Variants in UFL1 observed in about 807,000 individuals in gnomAD.
UFL1 encodes E3 UFM1-protein ligase 1.
A neutral mutation model predicts 99.3 loss-of-function variants in UFL1; 78 were observed. That is an observed-to-expected ratio of 0.79 (90% CI 0.65 to 0.95). The LOEUF is 0.95. UFL1 is among the 40% of genes least tolerant of loss of function. UFL1 has a pLI of 0.00. For missense variants in UFL1, 936 were observed against 937.0 expected, an observed-to-expected ratio of 1.00 and a Z score of 0.01; for synonymous variants, 335 against 322.2, an observed-to-expected ratio of 1.04 and a Z score of -0.42.
chr6:96,524,192 A>C (rs1291936052), intron 2 of UFL1, among the ~76,000 whole-genome samples, 190 bp from the exon 3 acceptor site: 1 of 152,104 alleles, frequency 6.6e-6, no homozygotes, highest in Non-Finnish European at 1.5e-5. Context: ...AATTGAAAGT[A>C]AGTTATTGCT....
At chr6:96,548,055 T>C (rs1770024438) in intron 12 of UFL1, 109 bp from the exon 13 acceptor site, 1 of 686,140 alleles carries the variant, frequency 1.5e-6, no homozygotes. Flanking sequence ...AACAATTGAG[T>C]AATGAATGAA....
At chr6:96,538,957 T>A in intron 10 of UFL1, 147 bp downstream of exon 10, 3 of 708,542 alleles carry the variant, frequency 4.2e-6, no homozygotes, top group Non-Finnish European at 6.2e-6. Flanking sequence ...TTTTATTTTG[T>A]CTCCCAGATT....
intron 2 of UFL1, 53 bp from the exon 3 acceptor site, chr6:96,524,329 G>T (rs1330411814): frequency 1.3e-6 from 2 of 1,502,570 alleles, no homozygotes; most frequent in East Asian, 2.4e-5. Flanking sequence ...ATAGCTTTGG[G>T]TTGGTATGTA....
chr6:96,538,738 TGTA>T lies in UFL1; in HGVS notation c.1089_1091del (p.Val364del). On this transcript the variant is annotated inframe_deletion, in exon 10 of 19. Transcript: ENST00000369278. ...CAACTGTAGTCTTTAGCGACACTGT[TGTA>T]GTCAGTGAAAAATTTATAAATGACT... 2 of 1,611,422 alleles carry T rather than the reference TGTA, an allele frequency of 1.2e-6. No homozygotes were observed. The highest frequency in any genetic ancestry group is 1.3e-5 in the African/African-American group (1 of 74,850).
intron 2 of UFL1, among the ~76,000 whole-genome samples, chr6:96,523,772 G>A (rs144133948): frequency 3.3e-5 from 5 of 152,086 alleles, no homozygotes; most frequent in African/African-American, 1.2e-4. Context: ...TTAAAAACAC[G>A]CACAAAGTTG....
Position 96,554,186 on chromosome 6 carries a change from A to C in UFL1, c.*683A>C, listed in dbSNP as rs1582448604. ...TCTCTTCTAAAACAAGCTACTAACA[A>C]GAGAGAGAACACATGCAATTTATTA... On this transcript the variant is annotated 3_prime_UTR_variant, in exon 19 of 19. Transcript: ENST00000369278. The C allele has an allele frequency of 6.6e-6, 1 of 152,132 alleles. No individual in the cohort carries two copies. Among genetic ancestry groups the C allele is most frequent in the African/African-American group, 2.4e-5 (1 of 41,404 alleles). The allele number at this position is 152,132 out of a possible 1,614,324, so 9.4% of individuals were successfully genotyped here.
chr6:96,542,318 T>G (rs9386610), intron 11 of UFL1, among the ~76,000 whole-genome samples: 19,574 of 151,310 alleles, frequency 0.13, 1,278 homozygotes, highest in East Asian at 0.25. Context: ...CGTGTTATGT[T>G]TCACGCATTT....
chr6:96,521,837 C>G lies in UFL1; in HGVS notation c.-37C>G, dbSNP rs537159862. 28 of 1,596,770 alleles carry G rather than the reference C, an allele frequency of 1.8e-5. No individual in the cohort carries two copies. The South Asian group carries it at 2.3e-4, about 13-fold the overall frequency. On this transcript the variant is annotated 5_prime_UTR_variant, in exon 1 of 19. Coordinates refer to ENST00000369278, the MANE Select transcript of UFL1 (RefSeq NM_015323.5). ...TCCCACCGCCTGTCGGCTGACGTGT[C>G]TGCAGTTCCTCCGCGTCTACTGCGA... is the stretch of plus-strand genomic sequence containing the variant.
rs370764146 is a variant in UFL1, at chr6:96,525,437, T to G, written c.350+43T>G. ...CAAATTTAAGAGCACTTTGTTTATT[T>G]TCTTTCTTTTTTTTATAGTGTTTAA... On this transcript the variant is annotated intron_variant, in intron 4 of 18. Transcript: ENST00000369278. The G allele has an allele frequency of 2.9e-5, 42 of 1,472,874 alleles. No individual in the cohort carries two copies. The African/African-American group carries it at 5.3e-4, about 18-fold the overall frequency. The allele number at this position is 1,472,874 out of a possible 1,614,324, so 91.2% of individuals were successfully genotyped here. A position where few individuals can be genotyped will look rare whatever the true frequency, so the allele number is the denominator to read the frequency against.
Position 96,525,426 on chromosome 6 carries a change from C to T in UFL1, c.350+32C>T, listed in dbSNP as rs558146097. The T allele has an allele frequency of 4.7e-6, 7 of 1,500,586 alleles. No individual in the cohort carries two copies. The South Asian group carries it at 8.4e-5, about 18-fold the overall frequency. The allele number at this position is 1,500,586 out of a possible 1,614,324, so 93.0% of individuals were successfully genotyped here. On this transcript the variant is annotated intron_variant, in intron 4 of 18. Transcript: ENST00000369278. ...ACAATAAAGTACAAATTTAAGAGCA[C>T]TTTGTTTATTTTCTTTCTTTTTTTT...
chr6:96,541,722 A>C (rs1769934208), intron 11 of UFL1, among the ~76,000 whole-genome samples: 1 of 151,290 alleles, frequency 6.6e-6, no homozygotes, highest in African/African-American at 2.4e-5. Context: ...CAGTATAACT[A>C]GTCTATTTAA....
chr6:96,543,094 G>T, intron 12 of UFL1, 78 bp downstream of exon 12: 2 of 1,469,724 alleles, frequency 1.4e-6, no homozygotes, highest in Admixed American at 2.6e-5. Context: ...ATATAATTAG[G>T]TATATATGCT....
chr6:96,523,640 C>T (rs1430238415), intron 2 of UFL1, among the ~76,000 whole-genome samples: 1 of 152,122 alleles, frequency 6.6e-6, no homozygotes, highest in Non-Finnish European at 1.5e-5. Context: ...GGGACAGTAT[C>T]TTACAGGATT....
intron 11 of UFL1, among the ~76,000 whole-genome samples, chr6:96,541,697 A>G (rs776974723): frequency 6.6e-6 from 1 of 151,184 alleles, no homozygotes; most frequent in East Asian, 1.9e-4. Context: ...GCCTTACTCA[A>G]TTGATGACTT....
chr6:96,548,188 T>A lies in UFL1; in HGVS notation c.1427T>A (p.Phe476Tyr), dbSNP rs1421597516. ...HTGKKKPEISFMFQDEIEDFL... is the reference protein window; with the variant it reads ...HTGKKKPEISYMFQDEIEDFL... ...GGAAAGAAGAAGCCAGAGATCAGTT[T>A]TATGTTCCAGGATGAGATTGAAGAT... Residue 476 changes from phenylalanine to tyrosine, a missense_variant, in exon 13 of 19, where the codon TTT becomes TAT. Transcript: ENST00000369278. The A allele has an allele frequency of 2.5e-6, 4 of 1,601,674 alleles. No homozygotes were observed. Among genetic ancestry groups the A allele is most frequent in the Middle Eastern group, 1.7e-4 (1 of 6,016 alleles).
chr6:96,528,174 A>G (rs1162827105), intron 5 of UFL1, among the ~76,000 whole-genome samples: 2 of 152,250 alleles, frequency 1.3e-5, no homozygotes, highest in African/African-American at 4.8e-5. Context: ...GCCTATATCT[A>G]GAAACCATCA....
chr6:96,551,448 T>C lies in UFL1; in HGVS notation c.1834T>C (p.Leu612=). ...ACCCCTACAGATAAGAAAGAAAATT[T>C]TAAGTAAATTATCAGAAGAAACCAA... ...AITSEIRKKI[L]SKLSEETKVA... The change falls in exon 16 of 19, where the codon TTA becomes CTA. Residue 612 remains leucine (L), a synonymous_variant. Coordinates refer to ENST00000369278, the MANE Select transcript of UFL1 (RefSeq NM_015323.5). The C allele has an allele frequency of 6.6e-7, 1 of 1,515,224 alleles. No homozygotes were observed. The highest frequency in any genetic ancestry group is 8.9e-7 in the Non-Finnish European group (1 of 1,121,704). 93.9% of individuals were successfully genotyped at this position (1,515,224 alleles called of 1,614,324 possible).
At chr6:96,535,814 C>G (rs906145387) in intron 7 of UFL1, among the ~76,000 whole-genome samples, 1 of 151,998 alleles carries the variant, frequency 6.6e-6, no homozygotes, top group South Asian at 2.1e-4. Flanking sequence ...CTATTATAGT[C>G]TAGGTGTCTT....
At position 96,535,450 on chromosome 6, in the gene UFL1, G is replaced by A. The variant is rs150515810; in HGVS notation, c.656-794G>A. On this transcript the variant is annotated intron_variant, in intron 7 of 18. Coordinates refer to ENST00000369278, the MANE Select transcript of UFL1 (RefSeq NM_015323.5). Reference sequence around the variant, plus strand: ...TTAATGGCAGCACCTTCCGCTTCGTGGTGGTGGTGATGGTAGTGATATTTA... The same window carrying A: ...TTAATGGCAGCACCTTCCGCTTCGTAGTGGTGGTGATGGTAGTGATATTTA... Among the ~76,000 whole-genome samples, 569 of 152,060 alleles carry A rather than the reference G, an allele frequency of 3.7e-3. 3 individuals are homozygous for A. Among genetic ancestry groups the A allele is most frequent in the African/African-American group, 0.013 (537 of 41,538 alleles).
Sources: gnomAD v4.1 joint callset for allele counts (sites outside exome capture counted in the v4.1 genomes callset) on GRCh38, gnomAD v4.1.1 for gene constraint, MANE v1.5 for transcripts, NCBI Gene and HGNC (gene_info 2026-07-23, HGNC 2026-07-21) for gene names.